The following NCKAP5 variants were observed in gnomAD, a reference collection of about 807,000 sequenced individuals.
The protein encoded by NCKAP5 is nck-associated protein 5.
A neutral mutation model predicts 167.0 loss-of-function variants in NCKAP5; 92 were observed. That is an observed-to-expected ratio of 0.55 (90% confidence interval 0.47 to 0.66). The LOEUF is 0.66. Ranked by LOEUF, NCKAP5 falls within the 30% of genes least tolerant of loss-of-function variation. NCKAP5 has a pLI of 0.00. For missense variants in NCKAP5, 2,378 were observed against 2,315.0 expected (o/e 1.03, Z -0.56); for synonymous variants, 891 against 877.4 (o/e 1.02, Z -0.27).
chr2:133,260,578 G>C (rs1017057262), intron 4 of NCKAP5, among the ~76,000 whole-genome samples: 1 of 152,184 alleles, frequency 6.6e-6, no homozygotes, highest in East Asian at 1.9e-4. Flanking sequence ...TACAATAAAA[G>C]TACCATGCCA....
chr2:133,046,165 G>C (rs2079393420), intron 6 of NCKAP5, among the ~76,000 whole-genome samples: 1 of 152,068 alleles, frequency 6.6e-6, no homozygotes, highest in African/African-American at 2.4e-5. Flanking sequence ...TGGGTAGTTG[G>C]AATCTTGGAA....
chr2:133,065,384 T>C (rs898795836), intron 6 of NCKAP5, among the ~76,000 whole-genome samples: 8 of 152,274 alleles, frequency 5.3e-5, no homozygotes, highest in Admixed American at 3.3e-4. Context: ...CAAAACACTT[T>C]GGGAGGCTGA....
rs75576995 is a variant in NCKAP5, at chr2:133,361,515, A to G, written c.70-58405T>C. Among the ~76,000 whole-genome samples the G allele has an allele frequency of 1.6e-3, 248 of 152,310 alleles. 1 individual carries two copies. The highest frequency in any genetic ancestry group is 5.8e-3 in the African/African-American group (240 of 41,568). On this transcript the variant is annotated intron_variant, in intron 3 of 19. Transcript: ENST00000409261. ...CATATTCTAAATGTATTAGTGAACAACTTTTGACTGAATACTGCCATGTGG... is the reference window on the plus strand; with the variant it reads ...CATATTCTAAATGTATTAGTGAACAGCTTTTGACTGAATACTGCCATGTGG...
At chr2:133,008,841 G>T (rs957709662) in intron 6 of NCKAP5, among the ~76,000 whole-genome samples, 1 of 152,172 alleles carries the variant, frequency 6.6e-6, no homozygotes, top group African/African-American at 2.4e-5. Flanking sequence ...TTACACTGGG[G>T]TCTCATGAAT....
intron 6 of NCKAP5, among the ~76,000 whole-genome samples, chr2:133,078,524 A>T (rs2080690496): frequency 6.6e-6 from 1 of 152,034 alleles, no homozygotes; most frequent in South Asian, 2.1e-4. Context: ...TGAGTTGGGG[A>T]GGAAGGGAAA....
intron 6 of NCKAP5, among the ~76,000 whole-genome samples, chr2:133,009,106 T>C (rs1226810497): frequency 1.3e-5 from 2 of 152,152 alleles, no homozygotes; most frequent in East Asian, 3.9e-4. Flanking sequence ...AAAGTCTAGA[T>C]TCCTAGGTCT....
At chr2:133,355,349 A>G (rs1392254824) in intron 3 of NCKAP5, among the ~76,000 whole-genome samples, 3 of 152,242 alleles carry the variant, frequency 2.0e-5, no homozygotes, top group African/African-American at 7.2e-5. Flanking sequence ...AGATTTGAAT[A>G]AAAAGTTCTG....
At chr2:133,187,210 A>G (rs2084985162) in intron 5 of NCKAP5, among the ~76,000 whole-genome samples, 1 of 152,008 alleles carries the variant, frequency 6.6e-6, no homozygotes, top group Non-Finnish European at 1.5e-5. Flanking sequence ...TTTGATTTTC[A>G]CCCAAGAGTT....
At chr2:133,001,215 CTT>C (rs56110206) in intron 6 of NCKAP5, among the ~76,000 whole-genome samples, 50 of 134,376 alleles carry the variant, frequency 3.7e-4, no homozygotes, top group Middle Eastern at 3.8e-3. Context: ...CTTTGACTTA[CTT>C]TTTTTTTTTT....
intron 3 of NCKAP5, among the ~76,000 whole-genome samples, chr2:133,468,848 T>G (rs1692813567): frequency 6.6e-6 from 1 of 152,192 alleles, no homozygotes; most frequent in Non-Finnish European, 1.5e-5. Context: ...CCTTTTTTTG[T>G]TTTCCATTTG....
chr2:133,647,167 C>T, the NCKAP5 span, among the ~76,000 whole-genome samples: 8 of 151,756 alleles, frequency 5.3e-5, no homozygotes, highest in South Asian at 1.5e-3. Context: ...CAAGACCCCT[C>T]TTCTACAAAA....
intron 4 of NCKAP5, among the ~76,000 whole-genome samples, chr2:133,278,634 G>A (rs561821862): frequency 3.3e-5 from 5 of 151,766 alleles, no homozygotes; most frequent in Admixed American, 6.6e-5. Flanking sequence ...TTTTTTGTGG[G>A]TAATTATTTT....
rs371389508 is a variant in NCKAP5, at chr2:132,768,718, C to T, written c.5128+5098G>A. On this transcript the variant is annotated intron_variant, in intron 16 of 19. Transcript: ENST00000409261. ...GCAGTGGCGCGATCTCGGCTCACCA[C>T]AAGCTCCGCCTCCCAGGTTCACGCC... 2.0e-3 allele frequency among the ~76,000 whole-genome samples: 297 copies of T among 149,666 alleles called. 2 individuals are homozygous for T. The highest frequency in any genetic ancestry group is 6.5e-3 in the African/African-American group (264 of 40,620).
chr2:133,276,050 C>T (rs1342373115), intron 4 of NCKAP5, among the ~76,000 whole-genome samples: 1 of 151,830 alleles, frequency 6.6e-6, no homozygotes, highest in Non-Finnish European at 1.5e-5. Context: ...TCTTTTTGCT[C>T]CTCCTCCTCA....
chr2:132,789,168 A>G (rs564819232), intron 13 of NCKAP5, among the ~76,000 whole-genome samples: 1 of 152,324 alleles, frequency 6.6e-6, no homozygotes, highest in Non-Finnish European at 1.5e-5. Context: ...TGAGAAGGAG[A>G]GAGACAAAGA....
chr2:132,788,551 T>C (rs1158700081), intron 13 of NCKAP5, among the ~76,000 whole-genome samples: 1 of 152,068 alleles, frequency 6.6e-6, no homozygotes, highest in African/African-American at 2.4e-5. Context: ...TTCTGTGAAA[T>C]GGGGAGAATA....
chr2:132,847,736 A>T (rs1688771968), intron 11 of NCKAP5, among the ~76,000 whole-genome samples: 1 of 152,220 alleles, frequency 6.6e-6, no homozygotes, highest in Non-Finnish European at 1.5e-5. Context: ...CTCCTGATAC[A>T]AGCAGCTACA....
intron 6 of NCKAP5, among the ~76,000 whole-genome samples, chr2:133,059,502 C>A (rs947665551): frequency 6.6e-6 from 1 of 151,614 alleles, no homozygotes; most frequent in Non-Finnish European, 1.5e-5. Context: ...GGGACCCTAT[C>A]TCTACAAAAA....
intron 2 of NCKAP5, among the ~76,000 whole-genome samples, chr2:133,536,213 G>C (rs878886470): frequency 2.0e-5 from 3 of 151,858 alleles, no homozygotes; most frequent in Admixed American, 2.0e-4. Flanking sequence ...TCTTTGCCTA[G>C]GCCTATGTCC....
Sources: gnomAD v4.1 joint callset for allele counts (sites outside exome capture counted in the v4.1 genomes callset) on GRCh38, gnomAD v4.1.1 for gene constraint, MANE v1.5 for transcripts, NCBI Gene and HGNC (gene_info 2026-07-23, HGNC 2026-07-21) for gene names.